Variants in PDZD2 observed in about 807,000 individuals in gnomAD.
The protein encoded by PDZD2 is PDZ domain containing 2, also known as PDZ domain-containing protein 2.
PDZD2 carries 90 observed loss-of-function variants against 220.7 expected under a neutral mutation model. The observed-to-expected ratio is 0.41, with a 90% CI of 0.34 to 0.49. The LOEUF is 0.49. Ranked by LOEUF, PDZD2 falls within the 20% of genes least tolerant of loss-of-function variation. The pLI, the probability that PDZD2 is intolerant of heterozygous loss-of-function variation, is 0.28. For synonymous variants in PDZD2, 1,375 were observed against 1,450.5 expected, an observed-to-expected ratio of 0.95 and a Z score of 1.18; for missense variants, 3,174 against 3,608.5, an observed-to-expected ratio of 0.88 and a Z score of 3.08.
intron 6 of PDZD2, among the ~76,000 whole-genome samples, chr5:32,026,767 AGAGT>A (rs1373653657): frequency 6.6e-6 from 1 of 152,220 alleles, no homozygotes; most frequent in African/African-American, 2.4e-5. Flanking sequence ...GACCATGGCA[AGAGT>A]GAGAGAGTTC....
chr5:31,913,190 A>G (rs1743355549), intron 2 of PDZD2, among the ~76,000 whole-genome samples: 1 of 152,156 alleles, frequency 6.6e-6, no homozygotes, highest in Non-Finnish European at 1.5e-5. Flanking sequence ...CCAATATGGC[A>G]AAACCCTGGG....
At chr5:31,844,575 T>C (rs1313087566) in intron 2 of PDZD2, among the ~76,000 whole-genome samples, 6 of 152,230 alleles carry the variant, frequency 3.9e-5, no homozygotes, top group African/African-American at 4.8e-5. Flanking sequence ...CATGTGATTT[T>C]TGGGATCTAC....
chr5:31,961,157 C>T (rs926039930), intron 2 of PDZD2, among the ~76,000 whole-genome samples: 1 of 152,130 alleles, frequency 6.6e-6, no homozygotes. Flanking sequence ...CTTTATTCAG[C>T]CTTCATGTCC....
At chr5:31,778,619 C>T (rs567396416) in intron 1 of PDZD2, among the ~76,000 whole-genome samples, 19 of 152,250 alleles carry the variant, frequency 1.2e-4, no homozygotes, top group South Asian at 4.2e-4. Context: ...GAAGAAACTC[C>T]GAACACGTCC....
intron 2 of PDZD2, among the ~76,000 whole-genome samples, chr5:31,891,430 C>T (rs879892177): frequency 2.6e-5 from 4 of 152,228 alleles, no homozygotes; most frequent in Non-Finnish European, 5.9e-5. Context: ...ATTCTCCTCC[C>T]TCAGCCTCCC....
chr5:31,664,852 G>GC (rs1348696127), intron 1 of PDZD2: 1 of 152,188 alleles, frequency 6.6e-6, no homozygotes, highest in Non-Finnish European at 1.5e-5. Flanking sequence ...CGAGTACTCT[G>GC]CCCCCAACTG....
In PDZD2 at chr5:32,037,313, A is replaced by G; in HGVS notation, c.1490A>G (p.Asn497Ser). The G allele has an allele frequency of 1.2e-6, 2 of 1,612,688 alleles. No homozygotes were observed. The highest frequency in any genetic ancestry group is 1.1e-5 in the South Asian group (1 of 91,044). The part of the protein sequence containing the change: ...GNLESPKQGS[N>S]KIKLKSRLSG... ...TTGGAAAGTCCCAAACAGGGCAGCA[A>G]TAAAATCAAGCTCAAGAGTCGCCTT... Residue 497 changes from asparagine (N) to serine (S), a missense_variant, in exon 7 of 25, where the codon AAT (asparagine) becomes AGT (serine). This residue lies in a region of PDZD2 where 632 missense variants were observed against 708.1 expected (regional missense o/e 0.89). Coordinates refer to ENST00000438447, the MANE Select transcript of PDZD2 (RefSeq NM_178140.4).
chr5:31,726,196 ATGCCGT>A (rs1749126158), intron 1 of PDZD2, among the ~76,000 whole-genome samples: 1 of 152,184 alleles, frequency 6.6e-6, no homozygotes. Flanking sequence ...ATGCTTGCAC[ATGCCGT>A]TGCCACCTTT....
At position 32,005,530 on chromosome 5, in the gene PDZD2, A is replaced by AG. The variant is rs1211016325; in HGVS notation, c.1255-4800_1255-4799insG. 2.0e-5 allele frequency among the ~76,000 whole-genome samples: 3 copies of AG among 148,400 alleles called. 1 individual carries two copies. The Admixed American group carries it at 2.0e-4, about 10-fold the overall frequency. ...TGTATCAAATGTAGACAACCCAAAA[A>AG]AAAAAAACAGAGAAGAAGAAGATGA... On this transcript the variant is annotated intron_variant, in intron 5 of 24. Coordinates refer to ENST00000438447, the MANE Select transcript of PDZD2 (RefSeq NM_178140.4).
At chr5:31,938,011 A>T (rs1453101321) in intron 2 of PDZD2, among the ~76,000 whole-genome samples, 1 of 152,216 alleles carries the variant, frequency 6.6e-6, no homozygotes, top group East Asian at 1.9e-4. Context: ...TAGGACAGAG[A>T]TAGTGACCCA....
chr5:31,853,446 T>C (rs959677290), intron 2 of PDZD2, among the ~76,000 whole-genome samples: 7 of 152,212 alleles, frequency 4.6e-5, no homozygotes, highest in African/African-American at 1.7e-4. Context: ...ACTCCTTGCC[T>C]GTTTCTGGGT....
chr5:32,077,091 A>T (rs1741369898), intron 18 of PDZD2, among the ~76,000 whole-genome samples: 1 of 152,254 alleles, frequency 6.6e-6, no homozygotes, highest in African/African-American at 2.4e-5. Context: ...CCTCACTACC[A>T]AACTAAGGAG....
At chr5:31,714,055 G>A (rs1397019920) in intron 1 of PDZD2, among the ~76,000 whole-genome samples, 1 of 152,172 alleles carries the variant, frequency 6.6e-6, no homozygotes, top group Non-Finnish European at 1.5e-5. Flanking sequence ...AAGTACACTG[G>A]CATTTCTCTT....
chr5:32,052,963 A>T (rs1738723129), intron 9 of PDZD2, among the ~76,000 whole-genome samples: 1 of 152,190 alleles, frequency 6.6e-6, no homozygotes, highest in African/African-American at 2.4e-5. Context: ...GGCATGAGCC[A>T]TTGCACCCAG....
At chr5:31,677,827 T>C (rs952652731) in intron 1 of PDZD2, among the ~76,000 whole-genome samples, 2 of 151,532 alleles carry the variant, frequency 1.3e-5, no homozygotes, top group Admixed American at 6.6e-5. Flanking sequence ...CGCTGATCTT[T>C]AGGGGTAGAA....
At chr5:32,015,395 C>T (rs1317515066) in intron 6 of PDZD2, among the ~76,000 whole-genome samples, 3 of 151,900 alleles carry the variant, frequency 2.0e-5, no homozygotes, top group Non-Finnish European at 2.9e-5. Context: ...TACAGGTGCA[C>T]GCCACCGCAG....
At chr5:32,071,218 C>T (rs567553644) in intron 15 of PDZD2, among the ~76,000 whole-genome samples, 166 bp from the exon 16 acceptor site, 57 of 152,236 alleles carry the variant, frequency 3.7e-4, no homozygotes, top group African/African-American at 1.3e-3. Context: ...GGATCAGGTA[C>T]GCAGGTAGAC....
At chr5:32,014,881 G>T (rs1308965041) in intron 6 of PDZD2, among the ~76,000 whole-genome samples, 1 of 144,254 alleles carries the variant, frequency 6.9e-6, no homozygotes, top group African/African-American at 2.6e-5. Flanking sequence ...CCTAATTTTT[G>T]TATTTTTAGT....
Position 32,109,903 on chromosome 5 carries a change from T to G in PDZD2, c.*1768T>G, listed in dbSNP as rs1243685896. 1 of 152,648 alleles carries G rather than the reference T, an allele frequency of 6.6e-6. No individual in the cohort carries two copies. Among genetic ancestry groups the G allele is most frequent in the Non-Finnish European group, 1.5e-5 (1 of 68,048 alleles). 9.5% of individuals were successfully genotyped at this position (152,648 alleles called of 1,614,324 possible). On this transcript the variant is annotated 3_prime_UTR_variant, in exon 25 of 25. Coordinates refer to ENST00000438447, the MANE Select transcript of PDZD2 (RefSeq NM_178140.4). ...ATAGCTGGCTTGTCTGAGTCCAGAT[T>G]TCTCATCAACTGGCAATACAAAGGA... is the stretch of plus-strand genomic sequence containing the variant.
Sources: allele counts gnomAD v4.1 joint callset (sites outside exome capture counted in the v4.1 genomes callset), GRCh38; gene constraint gnomAD v4.1.1; regional missense constraint gnomAD v4.1.1; transcripts MANE v1.5; gene names NCBI Gene and HGNC (gene_info 2026-07-23, HGNC 2026-07-21).